Variants in PDK1 observed in about 807,000 individuals in gnomAD.
PDK1 encodes the protein [Pyruvate dehydrogenase (acetyl-transferring)] kinase isozyme 1, mitochondrial.
PDK1 carries 39 observed loss-of-function variants against 54.2 expected under a neutral mutation model. The ratio of observed to expected loss-of-function variants is 0.72; its 90% CI spans 0.56 to 0.94. The LOEUF (loss-of-function observed/expected upper bound fraction) is 0.94. PDK1 is among the 40% of genes least tolerant of loss of function. The probability of loss-of-function intolerance (pLI) is 0.00; values close to 1 mark genes in which losing one functional copy is unlikely to be tolerated. For synonymous variants in PDK1, 221 were observed against 207.1 expected (o/e 1.07, Z -0.58); for missense variants, 552 against 566.0 (o/e 0.98, Z 0.25).
downstream of PDK1, among the ~76,000 whole-genome samples, chr2:172,611,669 C>T (rs1246683840): frequency 1.3e-5 from 2 of 152,116 alleles, no homozygotes; most frequent in Non-Finnish European, 2.9e-5. Flanking sequence ...ATGTTAAATC[C>T]AATAATGTAT....
the PDK1 span, among the ~76,000 whole-genome samples, chr2:172,714,160 A>G: frequency 6.6e-6 from 1 of 152,242 alleles, no homozygotes; most frequent in East Asian, 1.9e-4. Flanking sequence ...GCCTTCTCAC[A>G]CATTTTTATG....
the PDK1 span, among the ~76,000 whole-genome samples, chr2:172,714,851 AT>A: frequency 6.6e-6 from 1 of 152,176 alleles, no homozygotes; most frequent in Non-Finnish European, 1.5e-5. Context: ...CCATCATCCA[AT>A]TTTGTTCAGC....
chr2:172,618,853 T>C, the PDK1 span, among the ~76,000 whole-genome samples: 6 of 152,052 alleles, frequency 3.9e-5, no homozygotes, highest in African/African-American at 1.4e-4. Context: ...CTCTTCAGAG[T>C]TGTCCCACAT....
At position 172,556,141 on chromosome 2, in the gene PDK1, G is replaced by C. The variant is rs901685909; in HGVS notation, c.-10G>C. 7.1e-7 allele frequency: 1 copy of C among 1,403,998 alleles called. No individual in the cohort carries two copies. The highest frequency in any genetic ancestry group is 9.2e-7 in the Non-Finnish European group (1 of 1,085,338). 87.0% of individuals were successfully genotyped at this position (1,403,998 alleles called of 1,614,324 possible). A position where few individuals can be genotyped will look rare whatever the true frequency, so the allele number is the denominator to read the frequency against. On this transcript the variant is annotated 5_prime_UTR_variant, in exon 1 of 11. Coordinates refer to ENST00000282077, the MANE Select transcript of PDK1 (RefSeq NM_002610.5). Reference sequence around the variant, plus strand: ...GCGTACTGGCTGTGGCTTCTCTAGCGGGACTCGGCATGAGGCTGGCGCGGC... The same window carrying C: ...GCGTACTGGCTGTGGCTTCTCTAGCCGGACTCGGCATGAGGCTGGCGCGGC...
At chr2:172,720,171 G>A in the PDK1 span, among the ~76,000 whole-genome samples, 12 of 147,252 alleles carry the variant, frequency 8.1e-5, no homozygotes, top group Admixed American at 3.5e-4. Flanking sequence ...CTGGTGTGCA[G>A]TGGTACAATC....
the PDK1 span, among the ~76,000 whole-genome samples, chr2:172,628,110 A>G: frequency 6.6e-6 from 1 of 152,226 alleles, no homozygotes; most frequent in African/African-American, 2.4e-5. Context: ...GGCCAAAACC[A>G]ATGTGTAACC....
chr2:172,611,630 A>T (rs112273622), downstream of PDK1, among the ~76,000 whole-genome samples: 6 of 152,344 alleles, frequency 3.9e-5, no homozygotes, highest in African/African-American at 1.4e-4. Context: ...AATCTTTCTC[A>T]TGAACTTAGA....
intron 10 of PDK1, 85 bp downstream of exon 10, chr2:172,593,133 T>C (rs1375538643): frequency 4.4e-6 from 3 of 681,252 alleles, no homozygotes; most frequent in Admixed American, 5.0e-5. Context: ...AATTTAACTC[T>C]ACCACATGCT....
the PDK1 span, among the ~76,000 whole-genome samples, chr2:172,643,688 A>G: frequency 3.3e-5 from 5 of 152,128 alleles, no homozygotes; most frequent in South Asian, 2.1e-4. Context: ...GAATGTCCAC[A>G]TTCATGTGTG....
At chr2:172,663,766 C>A in the PDK1 span, among the ~76,000 whole-genome samples, 1 of 152,080 alleles carries the variant, frequency 6.6e-6, no homozygotes, top group East Asian at 1.9e-4. Flanking sequence ...AGTGAGAGTC[C>A]CTGTTTCCCC....
chr2:172,561,969 A>G (rs1359239900), intron 2 of PDK1, among the ~76,000 whole-genome samples: 2 of 152,226 alleles, frequency 1.3e-5, no homozygotes, highest in Non-Finnish European at 2.9e-5. Flanking sequence ...TTTAGAATGT[A>G]GAACTCGGAA....
chr2:172,655,836 C>T, the PDK1 span, among the ~76,000 whole-genome samples: 1 of 152,356 alleles, frequency 6.6e-6, no homozygotes, highest in Non-Finnish European at 1.5e-5. Context: ...AGTGTGACAG[C>T]TCTCTGTATC....
At position 172,558,944 on chromosome 2, in the gene PDK1, T is replaced by C. The variant is rs1053798745; in HGVS notation, c.338+95T>C. ...TTTTTTTACTCTTTGGTGGAATCTT[T>C]TTTGTTTTGTTTTGTTTTGTTTGAG... is the stretch of plus-strand genomic sequence containing the variant. On this transcript the variant is annotated intron_variant, in intron 2 of 10. Transcript: ENST00000282077. 6 of 1,129,336 alleles carry C rather than the reference T, an allele frequency of 5.3e-6. No homozygotes were observed. In the African/African-American group the frequency reaches 9.6e-5, roughly 18 times the overall value. 70.0% of individuals were successfully genotyped at this position (1,129,336 alleles called of 1,614,324 possible).
chr2:172,622,520 A>G, the PDK1 span, among the ~76,000 whole-genome samples: 1 of 148,094 alleles, frequency 6.8e-6, no homozygotes, highest in Non-Finnish European at 1.5e-5. Flanking sequence ...AGATATGTTT[A>G]TATCATATAT....
the PDK1 span, among the ~76,000 whole-genome samples, chr2:172,710,002 A>G: frequency 6.6e-6 from 1 of 152,228 alleles, no homozygotes; most frequent in Non-Finnish European, 1.5e-5. Context: ...TGAAGTGAAC[A>G]TAATGAAGTT....
chr2:172,708,375 T>G, the PDK1 span, among the ~76,000 whole-genome samples: 1 of 152,232 alleles, frequency 6.6e-6, no homozygotes, highest in Non-Finnish European at 1.5e-5. Context: ...AACTTGGTTT[T>G]TGTTGATATT....
At chr2:172,574,305 C>T (rs948958890) in intron 8 of PDK1, among the ~76,000 whole-genome samples, 4 of 152,160 alleles carry the variant, frequency 2.6e-5, no homozygotes, top group African/African-American at 9.7e-5. Context: ...TCTCGTTATG[C>T]AAGTACTTAA....
the PDK1 span, among the ~76,000 whole-genome samples, chr2:172,691,577 C>A: frequency 2.0e-5 from 3 of 152,224 alleles, no homozygotes; most frequent in African/African-American, 7.2e-5. Context: ...TCATCCCTCC[C>A]TCTCTCCTAA....
chr2:172,562,823 T>C lies in PDK1; in HGVS notation c.410+532T>C, dbSNP rs763652505. The C allele has an allele frequency of 1.9e-5, 30 of 1,608,862 alleles. No homozygotes were observed. The South Asian group carries it at 3.1e-4, about 17-fold the overall frequency. On this transcript the variant is annotated intron_variant, in intron 3 of 10. Coordinates refer to ENST00000282077, the MANE Select transcript of PDK1 (RefSeq NM_002610.5). ...GATGTAAGTAATATGACAATGTTAATAACCCATATACCAGAATTGGTAAAC... is the reference window on the plus strand; with the variant it reads ...GATGTAAGTAATATGACAATGTTAACAACCCATATACCAGAATTGGTAAAC...
Sources: gnomAD v4.1 joint callset for allele counts (sites outside exome capture counted in the v4.1 genomes callset) on GRCh38, gnomAD v4.1.1 for gene constraint, MANE v1.5 for transcripts, NCBI Gene and HGNC (gene_info 2026-07-23, HGNC 2026-07-21) for gene names.